YJU2B: variants seen among roughly 807,000 people sequenced by gnomAD.
YJU2B encodes YJU2 splicing factor homolog B, also known as probable splicing factor YJU2B.
Under a neutral mutation model 38.0 loss-of-function variants are expected in YJU2B, and 18 were observed. The ratio of observed to expected loss-of-function variants is 0.47; its 90% CI spans 0.33 to 0.70. The LOEUF (loss-of-function observed/expected upper bound fraction) is 0.70, where lower values mean the gene tolerates loss of function less well. Ranked by LOEUF, YJU2B falls within the 30% of genes least tolerant of loss-of-function variation. YJU2B has a pLI of 0.02. For synonymous variants in YJU2B, 246 were observed against 225.4 expected (o/e 1.09, Z -0.82); for missense variants, 538 against 556.3 (o/e 0.97, Z 0.33).
At chr19:13,746,865 C>A (rs1346382879), upstream of YJU2B, among the ~76,000 whole-genome samples, 1 of 151,874 alleles carries the variant, frequency 6.6e-6, no homozygotes, top group Non-Finnish European at 1.5e-5. Context: ...TGAGATCACG[C>A]CATTGAACTC....
At position 13,759,162 on chromosome 19, in the gene YJU2B, G is replaced by A. The variant is rs760500329; in HGVS notation, c.463G>A (p.Asp155Asn). Reference protein sequence around the residue: ...AMFRLEHGEADRSTLKKALPT... With the variant: ...AMFRLEHGEANRSTLKKALPT... Reference sequence around the variant, plus strand: ...GTTCCGGCTGGAGCATGGCGAGGCCGACCGCAGCACACTCAAGAAGGCGCT... The same window carrying A: ...GTTCCGGCTGGAGCATGGCGAGGCCAACCGCAGCACACTCAAGAAGGCGCT... The change falls in exon 8 of 10, where the codon GAC (aspartate) becomes AAC (asparagine). Residue 155 changes from aspartate to asparagine, a missense_variant. Physicochemically the swap from Asp to Asn is conservative, Grantham distance 23. Around this residue, in one of 2 missense-constraint regions of YJU2B, gnomAD observed 488 missense variants for 469.5 expected, o/e 1.04. Transcript: ENST00000221554. 5.6e-6 allele frequency: 9 copies of A among 1,613,390 alleles called. No individual in the cohort carries two copies. The highest frequency in any genetic ancestry group is 2.2e-5 in the East Asian group (1 of 44,846).
At chr19:13,739,398 G>A (rs1345075771) in intron 2 of YJU2B, among the ~76,000 whole-genome samples, 2 of 152,108 alleles carry the variant, frequency 1.3e-5, no homozygotes, top group African/African-American at 4.8e-5. Flanking sequence ...TCTTTAATAT[G>A]TTTTGATATT....
In YJU2B at chr19:13,751,072, C is replaced by T. The variant is rs1409351594; in HGVS notation, c.-201-536C>T. Among the ~76,000 whole-genome samples the T allele has an allele frequency of 2.0e-5, 3 of 152,018 alleles. No individual in the cohort carries two copies. In the East Asian group the frequency reaches 5.8e-4, roughly 29 times the overall value. On this transcript the variant is annotated intron_variant, in intron 1 of 9. Coordinates refer to ENST00000221554, the MANE Select transcript of YJU2B (RefSeq NM_030818.4). ...AAGGGGTTTGACTTGATTCTAAAAA[C>T]CATATGAATCATGGGAGGGGTTTAA...
chr19:13,745,646 CATAGATAG>C (rs1555699801), upstream of YJU2B, among the ~76,000 whole-genome samples: 165 of 116,390 alleles, frequency 1.4e-3, 2 homozygotes, highest in Middle Eastern at 4.1e-3. Context: ...AGCAAAACTC[CATAGATAG>C]ATAGATAGAT....
At chr19:13,756,131 G>A in intron 3 of YJU2B, 66 bp from the exon 4 acceptor site, 1 of 1,260,108 alleles carries the variant, frequency 7.9e-7, no homozygotes. Flanking sequence ...AGCAGTGGGG[G>A]TGGCAGAAAA....
At chr19:13,734,878 G>A (rs1457014319) in intron 2 of YJU2B, among the ~76,000 whole-genome samples, 2 of 152,170 alleles carry the variant, frequency 1.3e-5, no homozygotes, top group Admixed American at 6.6e-5. Context: ...CAAAGTGCTG[G>A]GATGGGCACA....
intron 1 of YJU2B, among the ~76,000 whole-genome samples, chr19:13,751,367 A>G (rs1046251357): frequency 6.6e-6 from 1 of 152,132 alleles, no homozygotes; most frequent in African/African-American, 2.4e-5. Flanking sequence ...GTGAGCAGAG[A>G]TCGCGCCACT....
Position 13,763,050 on chromosome 19 carries a change from C to T in YJU2B, c.1173C>T (p.Ser391=). 1.9e-6 allele frequency: 3 copies of T among 1,559,768 alleles called. No homozygotes were observed. The highest frequency in any genetic ancestry group is 2.4e-5 in the South Asian group (2 of 82,916). ...GCTCCTCCCTCGTGGCGGACTACTC[C>T]GACTCGGAGAGTGAGTGAGCGATCC... The part of the protein sequence containing the change: ...SLGSSLVADY[S]DSESE Residue 391 remains serine (S), a synonymous_variant, in exon 10 of 10, where the codon TCC becomes TCT. Coordinates refer to ENST00000221554, the MANE Select transcript of YJU2B (RefSeq NM_030818.4).
intron 2 of YJU2B, among the ~76,000 whole-genome samples, chr19:13,740,775 T>A (rs1432013696): frequency 6.6e-6 from 1 of 152,158 alleles, no homozygotes; most frequent in Non-Finnish European, 1.5e-5. Flanking sequence ...GACCTCGCGA[T>A]CTGCCTCCCT....
In YJU2B at chr19:13,759,073, A is replaced by T. The variant is rs367784673; in HGVS notation, c.401-27A>T. 6.2e-6 allele frequency: 10 copies of T among 1,612,576 alleles called. No homozygotes were observed. The Admixed American group carries it at 8.4e-5, about 13-fold the overall frequency. On this transcript the variant is annotated intron_variant, in intron 7 of 9. Transcript: ENST00000221554. ...CCTGAGTCTGCGCTGGGGCCCCCAA[A>T]GCCCAGCCGAGCTCTGATCGTTGCA... is the stretch of plus-strand genomic sequence containing the variant.
chr19:13,763,157 A>G lies in YJU2B; in HGVS notation c.*89A>G, dbSNP rs1484166424. On this transcript the variant is annotated 3_prime_UTR_variant, in exon 10 of 10. Transcript: ENST00000221554. ...CAGACTGCAGACCCCCGGCTCGCCC[A>G]CCAGCCCTGGGAGAGCTCAGATGCC... is the stretch of plus-strand genomic sequence containing the variant. The G allele has an allele frequency of 2.6e-6, 3 of 1,141,276 alleles. No homozygotes were observed. The highest frequency in any genetic ancestry group is 3.7e-6 in the Non-Finnish European group (3 of 814,572). The allele number at this position is 1,141,276 out of a possible 1,614,324, so 70.7% of individuals were successfully genotyped here.
intron 7 of YJU2B, 26 bp from the exon 8 acceptor site, chr19:13,759,074 G>A (rs767304119): frequency 6.2e-7 from 1 of 1,612,790 alleles, no homozygotes; most frequent in Non-Finnish European, 8.5e-7. Flanking sequence ...GGCCCCCAAA[G>A]CCCAGCCGAG....
intron 2 of YJU2B, among the ~76,000 whole-genome samples, chr19:13,733,287 C>A (rs1972866507): frequency 6.6e-6 from 1 of 152,176 alleles, no homozygotes; most frequent in Non-Finnish European, 1.5e-5. Flanking sequence ...GGCCCACCAA[C>A]TTCCTGTTCA....
intron 2 of YJU2B, 102 bp downstream of exon 2, chr19:13,751,913 A>C (rs560385477): frequency 1.2e-5 from 13 of 1,121,772 alleles, no homozygotes; most frequent in Non-Finnish European, 1.8e-5. Flanking sequence ...TGATGATTTC[A>C]ATCTCCGGGT....
intron 1 of YJU2B, among the ~76,000 whole-genome samples, chr19:13,751,370 G>A (rs533930040): frequency 1.2e-3 from 178 of 152,028 alleles, no homozygotes; most frequent in Middle Eastern, 3.4e-3. Context: ...AGCAGAGATC[G>A]CGCCACTGCA....
At chr19:13,759,431 C>T in intron 8 of YJU2B, 159 bp downstream of exon 8, 1 of 609,372 alleles carries the variant, frequency 1.6e-6, no homozygotes, top group Non-Finnish European at 2.8e-6. Flanking sequence ...TGTCTTAATC[C>T]ATTCTGGCTA....
chr19:13,741,258 G>A (rs1180735341), intron 2 of YJU2B, among the ~76,000 whole-genome samples: 2 of 149,710 alleles, frequency 1.3e-5, no homozygotes, highest in Admixed American at 6.7e-5. Flanking sequence ...GGGTTCAAGT[G>A]ATTCTCCTGC....
chr19:13,758,691 C>T (rs918022313), intron 6 of YJU2B, among the ~76,000 whole-genome samples, 177 bp from the exon 7 acceptor site: 3 of 152,250 alleles, frequency 2.0e-5, no homozygotes, highest in South Asian at 2.1e-4. Context: ...GACAGAAGGT[C>T]CGTTCTGGGT....
chr19:13,741,942 A>G (rs550672805), intron 2 of YJU2B, among the ~76,000 whole-genome samples: 1 of 152,208 alleles, frequency 6.6e-6, no homozygotes, highest in African/African-American at 2.4e-5. Flanking sequence ...TAAGAATCTC[A>G]TCAAATATCC....
Sources: allele counts gnomAD v4.1 joint callset (sites outside exome capture counted in the v4.1 genomes callset), GRCh38; gene constraint gnomAD v4.1.1; regional missense constraint gnomAD v4.1.1; transcripts MANE v1.5; gene names NCBI Gene and HGNC (gene_info 2026-07-23, HGNC 2026-07-21).